CNTRL: variants seen among roughly 807,000 people sequenced by gnomAD.
CNTRL encodes 110 kDa centrosomal protein.
Under a neutral mutation model 303.7 loss-of-function variants are expected in CNTRL, and 233 were observed. The ratio of observed to expected loss-of-function variants is 0.77; its 90% CI spans 0.69 to 0.86. The LOEUF is 0.86. CNTRL is among the 40% of genes least tolerant of loss of function. The pLI is 0.00. For synonymous variants in CNTRL, 900 were observed against 922.2 expected (o/e 0.98, Z 0.44); for missense variants, 2,524 against 2,650.6 (o/e 0.95, Z 1.05).
At chr9:121,125,350 G>A (rs374336996) in intron 13 of CNTRL, among the ~76,000 whole-genome samples, 1 of 151,798 alleles carries the variant, frequency 6.6e-6, no homozygotes, top group African/African-American at 2.4e-5. Context: ...TAATAGAGAC[G>A]GGGTTTCACT....
rs2048608191 is a variant in CNTRL at position 121,092,192 on chromosome 9, A to C, written c.348+1787A>C. On this transcript the variant is annotated intron_variant, in intron 4 of 43. Transcript: ENST00000373855. ...TACATATTTTATAGATTTTATAGCA[A>C]ACAAGATCTTCAGAAAATAAACAGT... 2.0e-5 allele frequency among the ~76,000 whole-genome samples: 3 copies of C among 146,982 alleles called. No individual in the cohort carries two copies. In the South Asian group the frequency reaches 6.3e-4, roughly 31 times the overall value.
At chr9:121,123,899 TG>T in intron 12 of CNTRL, 31 bp from the exon 13 acceptor site, 1 of 1,522,232 alleles carries the variant, frequency 6.6e-7, no homozygotes, top group Non-Finnish European at 8.8e-7. Flanking sequence ...TTAAGGAACT[TG>T]GAGTTTTGTT....
chr9:121,112,261 T>C (rs1312864629), intron 8 of CNTRL, among the ~76,000 whole-genome samples, 198 bp from the exon 9 acceptor site: 1 of 152,200 alleles, frequency 6.6e-6, no homozygotes, highest in Non-Finnish European at 1.5e-5. Context: ...TTTTACATGA[T>C]CTCTGATGAA....
At chr9:121,151,760 C>T (rs1324538046) in intron 25 of CNTRL, among the ~76,000 whole-genome samples, 1 of 152,164 alleles carries the variant, frequency 6.6e-6, no homozygotes, top group African/African-American at 2.4e-5. Context: ...CCTTCAGACT[C>T]AGAACACCTG....
chr9:121,170,006 C>G (rs1396717757), intron 39 of CNTRL, among the ~76,000 whole-genome samples, 190 bp downstream of exon 39: 1 of 152,142 alleles, frequency 6.6e-6, no homozygotes, highest in Admixed American at 6.5e-5. Flanking sequence ...ACGGGTGCAG[C>G]CTCAATGGAG....
intron 8 of CNTRL, 31 bp downstream of exon 8, chr9:121,108,026 T>C (rs1452162876): frequency 6.9e-7 from 1 of 1,457,262 alleles, no homozygotes; most frequent in East Asian, 2.4e-5. Context: ...GCTTTGGCTG[T>C]ATTCTCATAA....
rs117300416 is a variant in CNTRL, at chr9:121,077,440, A to G, written c.-205+2373A>G. Among the ~76,000 whole-genome samples the G allele has an allele frequency of 4.0e-3, 610 of 152,116 alleles. 3 individuals carry two copies. The highest frequency in any genetic ancestry group is 5.9e-3 in the Non-Finnish European group (401 of 68,006). ...AAGAAATAATGCCAGCCATTCTCAA[A>G]CACTGTAAACCCCTAAGCCCACTTC... is the stretch of plus-strand genomic sequence containing the variant. On this transcript the variant is annotated intron_variant, in intron 1 of 43. Transcript: ENST00000373855.
intron 34 of CNTRL, among the ~76,000 whole-genome samples, chr9:121,164,177 A>G (rs2052990508): frequency 6.6e-6 from 1 of 152,142 alleles, no homozygotes; most frequent in Non-Finnish European, 1.5e-5. Context: ...ACTTTCATAT[A>G]TGATTGAGGG....
chr9:121,132,950 C>T (rs879536415), intron 14 of CNTRL, among the ~76,000 whole-genome samples: 4 of 152,188 alleles, frequency 2.6e-5, no homozygotes, highest in African/African-American at 9.6e-5. Flanking sequence ...CTGTTTGCCT[C>T]GGTATCACAA....
intron 5 of CNTRL, among the ~76,000 whole-genome samples, chr9:121,096,110 G>A (rs2048879799): frequency 6.6e-6 from 1 of 152,176 alleles, no homozygotes; most frequent in African/African-American, 2.4e-5. Flanking sequence ...TCCACTGGCT[G>A]TTTGCTAGTA....
chr9:121,142,395 T>G (rs2051568410), intron 19 of CNTRL, 125 bp downstream of exon 19: 1 of 734,748 alleles, frequency 1.4e-6, no homozygotes. Context: ...GGCACAGTGC[T>G]GAACCTGACC....
intron 39 of CNTRL, among the ~76,000 whole-genome samples, chr9:121,170,495 G>T (rs1025069475): frequency 6.6e-6 from 1 of 151,252 alleles, no homozygotes; most frequent in East Asian, 2.0e-4. Flanking sequence ...TTGCTCTGTC[G>T]CCCAGTCTGG....
chr9:121,138,679 G>A lies in CNTRL; in HGVS notation c.2337G>A (p.Gln779=), dbSNP rs1393094597. ...SELHAKLKHL[Q]DDNNLLKQQL... The stretch of plus-strand genomic sequence containing the variant: ...TCCATGCAAAACTTAAACACTTGCA[G>A]GTAGAGATTTGTTGTTTTAGAATAC... The change falls in exon 16 of 44, where the codon CAG becomes CAA. Residue 779 remains glutamine (Q), a splice_region_variant and synonymous_variant. Coordinates refer to ENST00000373855, the MANE Select transcript of CNTRL (RefSeq NM_007018.6). 1 of 1,613,054 alleles carries A rather than the reference G, an allele frequency of 6.2e-7. No homozygotes were observed. The highest frequency in any genetic ancestry group is 2.2e-5 in the East Asian group (1 of 44,858).
chr9:121,155,164 A>G (rs146271259), intron 27 of CNTRL, among the ~76,000 whole-genome samples: 376 of 152,342 alleles, frequency 2.5e-3, no homozygotes, highest in Non-Finnish European at 4.2e-3. Context: ...TGGATTAAAT[A>G]AAACAGCGTA....
Position 121,144,069 on chromosome 9 carries a change from A to G in CNTRL, c.3038A>G (p.Gln1013Arg). The change falls in exon 20 of 44, where the codon CAG becomes CGG. Residue 1013 changes from glutamine (Q) to arginine (R), a missense_variant. By Grantham distance (43) the Gln-to-Arg change is conservative. Transcript: ENST00000373855. The part of the protein sequence containing the change: ...SLHGTVMKIN[Q>R]ERAEELQEAE... The stretch of plus-strand genomic sequence containing the variant: ...CATGGAACTGTTATGAAAATTAACC[A>G]GGAGCGAGCAGAGGTGAGTTCACAT... 3 of 1,609,748 alleles carry G rather than the reference A, an allele frequency of 1.9e-6. No homozygotes were observed. Among genetic ancestry groups the G allele is most frequent in the Non-Finnish European group, 2.5e-6 (3 of 1,178,822 alleles).
chr9:121,096,674 G>A, intron 6 of CNTRL, 111 bp downstream of exon 6: 2 of 817,296 alleles, frequency 2.4e-6, no homozygotes, highest in Admixed American at 6.9e-5. Context: ...TTGCTCCTTT[G>A]ACTAAACACT....
chr9:121,159,148 G>A (rs2052731122), intron 31 of CNTRL, 129 bp downstream of exon 31: 2 of 900,138 alleles, frequency 2.2e-6, no homozygotes, highest in Non-Finnish European at 3.3e-6. Context: ...TGTAAAATCA[G>A]TTTGGTGTTG....
chr9:121,152,732 A>G (rs768423549), intron 26 of CNTRL, 39 bp downstream of exon 26: 1 of 1,413,466 alleles, frequency 7.1e-7, no homozygotes, highest in Non-Finnish European at 9.8e-7. Context: ...CAAATACGAT[A>G]TTAGTTCATT....
At chr9:121,117,860 T>C (rs1394610888) in intron 11 of CNTRL, among the ~76,000 whole-genome samples, 1 of 151,736 alleles carries the variant, frequency 6.6e-6, no homozygotes, top group Non-Finnish European at 1.5e-5. Context: ...GCGCCTATAG[T>C]CCCAGCTACT....
Sources: allele counts gnomAD v4.1 joint callset (sites outside exome capture counted in the v4.1 genomes callset), GRCh38; gene constraint gnomAD v4.1.1; transcripts MANE v1.5; gene names NCBI Gene and HGNC (gene_info 2026-07-23, HGNC 2026-07-21).